Variants in FMC1 observed in about 807,000 individuals in gnomAD.
FMC1 encodes the protein formation of mitochondrial complex V assembly factor 1, also known as protein FMC1 homolog.
In FMC1, 6 loss-of-function variants were observed where a neutral mutation model predicts 10.5. That is an observed-to-expected ratio of 0.57 (90% CI 0.31 to 1.12). FMC1 has a LOEUF of 1.12. Among genes scored for constraint, FMC1 ranks in the 50% most tolerant of loss-of-function variants. The probability of loss-of-function intolerance (pLI) is 0.05; values close to 1 mark genes in which losing one functional copy is unlikely to be tolerated. For synonymous variants in FMC1, 59 were observed against 62.1 expected (o/e 0.95, Z 0.24); for missense variants, 146 against 151.7 (o/e 0.96, Z 0.20).
chr7:139,342,053 A>G (rs1229232396), intron 1 of FMC1, among the ~76,000 whole-genome samples: 2 of 152,306 alleles, frequency 1.3e-5, no homozygotes, highest in African/African-American at 4.8e-5. Context: ...AGAACGATCA[A>G]CTGTCGAATT....
At chr7:139,342,332 G>T (rs1799023789) in intron 1 of FMC1, among the ~76,000 whole-genome samples, 1 of 152,068 alleles carries the variant, frequency 6.6e-6, no homozygotes, top group African/African-American at 2.4e-5. Flanking sequence ...AATTAATCAG[G>T]GACCTGAAGG....
At chr7:139,341,669 G>GC in intron 1 of FMC1, 147 bp downstream of exon 1, 1 of 1,353,462 alleles carries the variant, frequency 7.4e-7, no homozygotes, top group South Asian at 1.5e-5. Flanking sequence ...ACCAACCCAG[G>GC]CCCTAGGCTC....
upstream of FMC1, chr7:139,341,092 G>C (rs758251926): frequency 5.4e-5 from 17 of 313,702 alleles, no homozygotes; most frequent in Non-Finnish European, 7.9e-5. Flanking sequence ...CGGCTAACGG[G>C]CATCTTCAAT....
At position 139,345,779 on chromosome 7, in the gene FMC1, A is replaced by AT; in HGVS notation, c.*83dup. 3 of 1,427,530 alleles carry AT rather than the reference A, an allele frequency of 2.1e-6. No individual in the cohort carries two copies. The highest frequency in any genetic ancestry group is 2.8e-6 in the Non-Finnish European group (3 of 1,079,610). The allele number at this position is 1,427,530 out of a possible 1,614,324, so 88.4% of individuals were successfully genotyped here. A position where few individuals can be genotyped will look rare whatever the true frequency, so the allele number is the denominator to read the frequency against. On this transcript the variant is annotated 3_prime_UTR_variant, in exon 2 of 2. Coordinates refer to ENST00000297534, the MANE Select transcript of FMC1 (RefSeq NM_197964.5). ...TCTATCAATATGTATTTATCATTAA[A>AT]TTTTTTTTAAGTTTAAGGTTTTTCT...
intron 1 of FMC1, among the ~76,000 whole-genome samples, chr7:139,343,649 A>T (rs1032718367): frequency 2.6e-5 from 4 of 152,170 alleles, no homozygotes; most frequent in African/African-American, 9.7e-5. Flanking sequence ...GAGAAAGGGG[A>T]TTAGGCCAGG....
In FMC1 at chr7:139,341,360, A is replaced by G. The variant is rs1798946698; in HGVS notation, c.-25A>G. 25 of 1,595,802 alleles carry G rather than the reference A, an allele frequency of 1.6e-5. No individual in the cohort carries two copies. Among genetic ancestry groups the G allele is most frequent in the Non-Finnish European group, 2.0e-5 (23 of 1,166,794 alleles). On this transcript the variant is annotated 5_prime_UTR_variant, in exon 1 of 2. Coordinates refer to ENST00000297534, the MANE Select transcript of FMC1 (RefSeq NM_197964.5). ...TCAGGGTCGTAGGACGCCGTTGGGC[A>G]CCACGCTCGGAGAAGGACAGGACAA...
At chr7:139,341,010 C>T (rs1052346849), upstream of FMC1, 1 of 195,026 alleles carries the variant, frequency 5.1e-6, no homozygotes, top group Non-Finnish European at 1.0e-5. Context: ...AATGTCTTCT[C>T]AGCGTGTTCC....
chr7:139,341,529 G>T lies in FMC1; in HGVS notation c.138+7G>T. The T allele has an allele frequency of 6.2e-7, 1 of 1,610,426 alleles. No homozygotes were observed. Among genetic ancestry groups the T allele is most frequent in the Non-Finnish European group, 8.5e-7 (1 of 1,177,410 alleles). ...GGCTTTCCGTGCACATCGGGTACGG[G>T]AGCCATGTCCCGGGTGCTCTACGTG... On this transcript the variant is annotated splice_region_variant and intron_variant, in intron 1 of 1. Coordinates refer to ENST00000297534, the MANE Select transcript of FMC1 (RefSeq NM_197964.5).
Position 139,345,514 on chromosome 7 carries a change from A to C in FMC1, c.152A>C (p.Lys51Thr). ...CTGCTTCTCTAGGTCACCAGTGAAA[A>C]GTTGTGCAGAGCCCAACATGAGCTT... is the stretch of plus-strand genomic sequence containing the variant. Reference protein sequence around the residue: ...AFRAHRVTSEKLCRAQHELHF... With the variant: ...AFRAHRVTSETLCRAQHELHF... Residue 51 changes from lysine to threonine, a missense_variant, in exon 2 of 2, where the codon AAG (lysine) becomes ACG (threonine). By Grantham distance (78) the Lys-to-Thr change is moderately conservative. Transcript: ENST00000297534. The C allele has an allele frequency of 6.2e-7, 1 of 1,614,162 alleles. No homozygotes were observed. The highest frequency in any genetic ancestry group is 1.1e-5 in the South Asian group (1 of 91,086).
chr7:139,344,943 G>T (rs1270361322), intron 1 of FMC1: 1 of 149,348 alleles, frequency 6.7e-6, no homozygotes, highest in Non-Finnish European at 1.5e-5. Context: ...TCGATCCCCT[G>T]ACCTTGTGAT....
At chr7:139,345,361 G>A in intron 1 of FMC1, 140 bp from the exon 2 acceptor site, 1 of 1,284,880 alleles carries the variant, frequency 7.8e-7, no homozygotes, top group South Asian at 1.5e-5. Context: ...GATGTATTAA[G>A]TATACATGTA....
chr7:139,342,195 C>T (rs6965601), intron 1 of FMC1, among the ~76,000 whole-genome samples: 1 of 151,946 alleles, frequency 6.6e-6, no homozygotes, highest in Non-Finnish European at 1.5e-5. Context: ...GTGTCCTGTC[C>T]TTAAGACACT....
intron 1 of FMC1, among the ~76,000 whole-genome samples, chr7:139,344,695 CTTTT>C (rs1026301999): frequency 1.8e-4 from 21 of 116,354 alleles, no homozygotes; most frequent in East Asian, 5.2e-4. Context: ...AATTTTCTTT[CTTTT>C]TTTTTTTTTT....
chr7:139,341,872 G>T (rs1322771012), intron 1 of FMC1, among the ~76,000 whole-genome samples: 1 of 152,174 alleles, frequency 6.6e-6, no homozygotes, highest in South Asian at 2.1e-4. Context: ...CAATGAAGAT[G>T]GAGTTGAAGG....
chr7:139,345,337 A>G (rs546224339), intron 1 of FMC1, among the ~76,000 whole-genome samples, 164 bp from the exon 2 acceptor site: 39 of 152,324 alleles, frequency 2.6e-4, no homozygotes, highest in African/African-American at 8.9e-4. Flanking sequence ...TAATAACTAT[A>G]GAGTGCCTCT....
chr7:139,340,693 T>G, upstream of FMC1: 1 of 392,892 alleles, frequency 2.5e-6, no homozygotes, highest in Non-Finnish European at 4.5e-6. Context: ...GCGCGTCGTT[T>G]GCAGAAGCCC....
intron 1 of FMC1, among the ~76,000 whole-genome samples, chr7:139,344,629 A>C (rs1799171116): frequency 6.6e-6 from 1 of 152,040 alleles, no homozygotes; most frequent in African/African-American, 2.4e-5. Flanking sequence ...TTATACATGA[A>C]ACCTTCATTT....
Position 139,345,604 on chromosome 7 carries a change from A to C in FMC1, c.242A>C (p.Gln81Pro). 7 of 1,614,084 alleles carry C rather than the reference A, an allele frequency of 4.3e-6. No homozygotes were observed. Among genetic ancestry groups the C allele is most frequent in the Non-Finnish European group, 5.9e-6 (7 of 1,180,018 alleles). The change falls in exon 2 of 2, where the codon CAG (glutamine) becomes CCG (proline). Residue 81 changes from glutamine (Q) to proline (P), a missense_variant. Gln to Pro is a moderately conservative substitution (Grantham distance 76). Transcript: ENST00000297534. Reference sequence around the variant, plus strand: ...ATCCGGAAACATGTGGCCCTACATCAGGAATTTCATGGCAAGGGTGAGCGC... The same window carrying C: ...ATCCGGAAACATGTGGCCCTACATCCGGAATTTCATGGCAAGGGTGAGCGC... ...RSIRKHVALH[Q>P]EFHGKGERSV...
intron 1 of FMC1, among the ~76,000 whole-genome samples, chr7:139,343,103 C>T (rs1799083452): frequency 6.6e-6 from 1 of 152,100 alleles, no homozygotes; most frequent in South Asian, 2.1e-4. Context: ...ATTGCTGACC[C>T]TTTTGTCCTC....
Sources: gnomAD v4.1 joint callset for allele counts (sites outside exome capture counted in the v4.1 genomes callset) on GRCh38, gnomAD v4.1.1 for gene constraint, MANE v1.5 for transcripts, NCBI Gene and HGNC (gene_info 2026-07-23, HGNC 2026-07-21) for gene names.